The following AGMO variants were observed in gnomAD, a reference collection of about 807,000 sequenced individuals.
AGMO encodes the protein glyceryl-ether monooxygenase.
AGMO carries 75 observed loss-of-function variants against 60.2 expected under a neutral mutation model. The ratio of observed to expected loss-of-function variants is 1.25; its 90% CI spans 1.03 to 1.51. AGMO has a LOEUF of 1.51. AGMO is among the 40% of genes most tolerant of loss of function. The pLI is 0.00. For missense variants in AGMO, 763 were observed against 525.5 expected, an observed-to-expected ratio of 1.45 and a Z score of -4.42; for synonymous variants, 261 against 177.1, an observed-to-expected ratio of 1.47 and a Z score of -3.76.
At chr7:15,363,325 T>C (rs1583459473) in intron 12 of AGMO, among the ~76,000 whole-genome samples, 1 of 152,126 alleles carries the variant, frequency 6.6e-6, no homozygotes, top group Non-Finnish European at 1.5e-5. Flanking sequence ...GATCCTTAAG[T>C]TCATATAAAA....
intron 12 of AGMO, among the ~76,000 whole-genome samples, chr7:15,256,647 C>G (rs1783108885): frequency 6.6e-6 from 1 of 152,204 alleles, no homozygotes; most frequent in African/African-American, 2.4e-5. Context: ...CAGGCGCAAG[C>G]CACTGCACCT....
intron 12 of AGMO, among the ~76,000 whole-genome samples, chr7:15,209,592 C>T (rs1004175653): frequency 3.9e-5 from 6 of 152,182 alleles, no homozygotes; most frequent in Admixed American, 2.0e-4. Context: ...AGCCCACATA[C>T]GGCTTGCAGC....
rs191801812 is a variant in AGMO, at chr7:15,217,215, C to T, written c.1264-15856G>A. ...AATTTGTCATATGAAATTGTTGGGG[C>T]CCCCAAAGAAAGAAATGTTAAATAC... On this transcript the variant is annotated intron_variant, in intron 12 of 12. Coordinates refer to ENST00000342526, the MANE Select transcript of AGMO (RefSeq NM_001004320.2). Among the ~76,000 whole-genome samples the T allele has an allele frequency of 1.0e-3, 157 of 151,970 alleles. 2 individuals carry two copies. The highest frequency in any genetic ancestry group is 3.6e-3 in the African/African-American group (148 of 41,454).
intron 6 of AGMO, among the ~76,000 whole-genome samples, chr7:15,392,620 G>C (rs544988053): frequency 2.6e-5 from 4 of 152,194 alleles, no homozygotes; most frequent in Admixed American, 2.0e-4. Context: ...CCAACATGGT[G>C]AAACTCCATC....
At chr7:15,475,054 G>A (rs957161384) in intron 3 of AGMO, among the ~76,000 whole-genome samples, 1 of 152,150 alleles carries the variant, frequency 6.6e-6, no homozygotes, top group Non-Finnish European at 1.5e-5. Flanking sequence ...AGATGCTGGA[G>A]AGGATGTAGA....
chr7:15,457,992 G>T (rs1440800975), intron 3 of AGMO, among the ~76,000 whole-genome samples: 1 of 152,088 alleles, frequency 6.6e-6, no homozygotes, highest in Non-Finnish European at 1.5e-5. Flanking sequence ...TAACTAGGAA[G>T]CAAAAAAGAG....
chr7:15,462,958 C>T (rs544424336), intron 3 of AGMO, among the ~76,000 whole-genome samples: 3 of 152,038 alleles, frequency 2.0e-5, no homozygotes, highest in Non-Finnish European at 2.9e-5. Flanking sequence ...GTTTGGATTC[C>T]CCAGGAAGGA....
chr7:15,537,578 T>A (rs1401795764), intron 3 of AGMO, among the ~76,000 whole-genome samples: 1 of 152,120 alleles, frequency 6.6e-6, no homozygotes, highest in East Asian at 1.9e-4. Flanking sequence ...TTCTCCTAAT[T>A]ATTCCTGGAA....
At chr7:15,527,952 G>A (rs182599992) in intron 3 of AGMO, among the ~76,000 whole-genome samples, 2 of 152,192 alleles carry the variant, frequency 1.3e-5, no homozygotes, top group Admixed American at 1.3e-4. Flanking sequence ...TTCTTTCAAA[G>A]TATTACTGCT....
chr7:15,355,042 C>G (rs939946465), intron 12 of AGMO, among the ~76,000 whole-genome samples: 1 of 152,016 alleles, frequency 6.6e-6, no homozygotes, highest in Non-Finnish European at 1.5e-5. Context: ...GATTCCTGCA[C>G]TCACTAACAT....
At position 15,286,980 on chromosome 7, in the gene AGMO, C is replaced by T. The variant is rs535328450; in HGVS notation, c.1263+78534G>A. Among the ~76,000 whole-genome samples the T allele has an allele frequency of 1.4e-4, 21 of 152,142 alleles. No individual in the cohort carries two copies. The East Asian group carries it at 3.9e-3, about 28-fold the overall frequency. The stretch of plus-strand genomic sequence containing the variant: ...TAAGAAGTAACTCAGAAATGGAAAA[C>T]CAAATACCATATGCTTTCACTTATA... On this transcript the variant is annotated intron_variant, in intron 12 of 12. Transcript: ENST00000342526.
intron 10 of AGMO, among the ~76,000 whole-genome samples, chr7:15,375,686 G>C (rs1321936204): frequency 6.6e-6 from 1 of 152,088 alleles, no homozygotes; most frequent in Non-Finnish European, 1.5e-5. Flanking sequence ...GTAAGCCACT[G>C]TGCCCAGCCT....
rs60144769 is a variant in AGMO at position 15,407,232 on chromosome 7, C to CATATATATATATATATATAT, written c.609+11325_609+11326insATATATATATATATATATAT. On this transcript the variant is annotated intron_variant, in intron 5 of 12. Transcript: ENST00000342526. ...TTGAAAGGCCCCTTTCTTTGGAATA[C>CATATATATATATATATATAT]ATATATATATATATATATGTATATA... 4.3e-3 allele frequency among the ~76,000 whole-genome samples: 567 copies of CATATATATATATATATATAT among 132,048 alleles called. 8 individuals carry two copies. The highest frequency in any genetic ancestry group is 6.5e-3 in the Non-Finnish European group (392 of 60,660). 86.6% of individuals were successfully genotyped at this position (132,048 alleles called of 152,430 possible). A position where few individuals can be genotyped will look rare whatever the true frequency, so the allele number is the denominator to read the frequency against.
intron 5 of AGMO, among the ~76,000 whole-genome samples, chr7:15,394,733 G>T (rs1042971101): frequency 6.6e-6 from 1 of 152,294 alleles, no homozygotes; most frequent in East Asian, 1.9e-4. Context: ...AATCAGCCAT[G>T]CAGCAACGAC....
chr7:15,236,818 C>T (rs1399041435), intron 12 of AGMO, among the ~76,000 whole-genome samples: 1 of 151,948 alleles, frequency 6.6e-6, no homozygotes, highest in African/African-American at 2.4e-5. Flanking sequence ...AAAAAGCTCA[C>T]CTGATACTAT....
chr7:15,168,156 C>A, the AGMO span, among the ~76,000 whole-genome samples: 1 of 152,158 alleles, frequency 6.6e-6, no homozygotes, highest in Admixed American at 6.5e-5. Flanking sequence ...AGGTACAGGT[C>A]ATTAGCCAGC....
intron 12 of AGMO, among the ~76,000 whole-genome samples, chr7:15,331,348 C>T (rs533254259): frequency 1.3e-5 from 2 of 152,112 alleles, no homozygotes; most frequent in East Asian, 3.9e-4. Flanking sequence ...TGTTACACAG[C>T]CATAATTTCT....
chr7:15,181,143 T>C, the AGMO span, among the ~76,000 whole-genome samples: 1 of 152,158 alleles, frequency 6.6e-6, no homozygotes, highest in South Asian at 2.1e-4. Context: ...AATTTCAACA[T>C]GAGTTTTGGA....
chr7:15,548,158 C>T (rs1299889007), intron 2 of AGMO, among the ~76,000 whole-genome samples: 2 of 152,070 alleles, frequency 1.3e-5, no homozygotes, highest in South Asian at 2.1e-4. Context: ...CATCAAAAAC[C>T]CATCTGTACA....
Sources: allele counts gnomAD v4.1 joint callset (sites outside exome capture counted in the v4.1 genomes callset), GRCh38; gene constraint gnomAD v4.1.1; transcripts MANE v1.5; gene names NCBI Gene and HGNC (gene_info 2026-07-23, HGNC 2026-07-21).